The following MLLT3 variants were observed in gnomAD, a reference collection of about 807,000 sequenced individuals.
MLLT3 encodes the protein protein AF-9.
MLLT3 carries 4 observed loss-of-function variants against 53.2 expected under a neutral mutation model. The ratio of observed to expected loss-of-function variants is 0.08; its 90% confidence interval spans 0.04 to 0.17. The LOEUF (loss-of-function observed/expected upper bound fraction) is 0.17. Among genes scored for constraint, MLLT3 ranks in the 10% least tolerant of loss-of-function variants. MLLT3 has a pLI of 1.00. For missense variants in MLLT3, 569 were observed against 684.0 expected (o/e 0.83, Z 1.87); for synonymous variants, 283 against 230.6 (o/e 1.23, Z -2.06).
At chr9:20,437,538 G>A (rs1250538218) in intron 4 of MLLT3, among the ~76,000 whole-genome samples, 2 of 152,208 alleles carry the variant, frequency 1.3e-5, no homozygotes, top group Non-Finnish European at 2.9e-5. Flanking sequence ...TGTAGTGGAC[G>A]AAAGAAGCCA....
chr9:20,591,030 G>A lies in MLLT3; in HGVS notation c.193+29624C>T, dbSNP rs10124849. Among the ~76,000 whole-genome samples the A allele has an allele frequency of 2.5e-3, 386 of 152,130 alleles. 1 individual carries two copies. Among genetic ancestry groups the A allele is most frequent in the African/African-American group, 9.1e-3 (376 of 41,506 alleles). ...CTCCCAAAGTGCTGGGATTAAAGTT[G>A]TGACCCACTGTACCTAGCCTTGACA... On this transcript the variant is annotated intron_variant, in intron 2 of 10. Transcript: ENST00000380338.
intron 4 of MLLT3, among the ~76,000 whole-genome samples, chr9:20,423,529 A>C (rs1022114349): frequency 2.0e-5 from 3 of 151,990 alleles, no homozygotes; most frequent in African/African-American, 7.2e-5. Context: ...TATTCAGGAA[A>C]AGGCCAGGTA....
intron 2 of MLLT3, among the ~76,000 whole-genome samples, chr9:20,522,499 C>T (rs1467922532): frequency 6.6e-6 from 1 of 151,948 alleles, no homozygotes; most frequent in African/African-American, 2.4e-5. Flanking sequence ...ATAATTATTG[C>T]CTGTCAATTT....
At chr9:20,391,320 G>C (rs1221975438) in intron 5 of MLLT3, among the ~76,000 whole-genome samples, 1 of 152,212 alleles carries the variant, frequency 6.6e-6, no homozygotes, top group African/African-American at 2.4e-5. Flanking sequence ...GGAAAAAGAA[G>C]AGAAGGAAAT....
chr9:20,562,541 T>C (rs977885583), intron 2 of MLLT3, among the ~76,000 whole-genome samples: 2 of 152,012 alleles, frequency 1.3e-5, no homozygotes, highest in African/African-American at 4.8e-5. Flanking sequence ...CAGAGACAAT[T>C]TGGTTAAGCA....
At chr9:20,501,743 G>A (rs1825235478) in intron 2 of MLLT3, among the ~76,000 whole-genome samples, 1 of 125,134 alleles carries the variant, frequency 8.0e-6, no homozygotes, top group Non-Finnish European at 1.6e-5. Flanking sequence ...GGGCGACAGA[G>A]CGAGACTCCG....
intron 2 of MLLT3, among the ~76,000 whole-genome samples, chr9:20,507,157 G>A (rs1461615290): frequency 6.6e-6 from 1 of 152,168 alleles, no homozygotes; most frequent in Non-Finnish European, 1.5e-5. Context: ...CATCACTTTA[G>A]CAGTTAATTG....
chr9:20,609,911 T>C (rs1820657790), intron 2 of MLLT3, among the ~76,000 whole-genome samples: 1 of 152,070 alleles, frequency 6.6e-6, no homozygotes, highest in Non-Finnish European at 1.5e-5. Flanking sequence ...AACTACTACT[T>C]AGGAAGAGTC....
chr9:20,496,197 A>G (rs547819035), intron 2 of MLLT3, among the ~76,000 whole-genome samples: 20 of 152,352 alleles, frequency 1.3e-4, no homozygotes, highest in African/African-American at 4.3e-4. Context: ...ACAGAGCCCT[A>G]AAGTAAATTA....
chr9:20,360,700 T>A, intron 8 of MLLT3, 42 bp downstream of exon 8: 1 of 1,472,128 alleles, frequency 6.8e-7, no homozygotes, highest in Non-Finnish European at 9.5e-7. Flanking sequence ...TGATTACACC[T>A]AGCTCTGCAG....
intron 2 of MLLT3, among the ~76,000 whole-genome samples, chr9:20,508,529 T>C (rs891410995): frequency 4.6e-5 from 7 of 152,084 alleles, no homozygotes; most frequent in Admixed American, 4.6e-4. Flanking sequence ...AAGTAAATCT[T>C]AGAGGTAAAG....
chr9:20,416,808 T>C (rs1349289640), intron 4 of MLLT3, among the ~76,000 whole-genome samples: 1 of 152,112 alleles, frequency 6.6e-6, no homozygotes, highest in Non-Finnish European at 1.5e-5. Flanking sequence ...TCCATAACAA[T>C]GTCTTAAATA....
At chr9:20,479,888 G>C (rs1824619719) in intron 2 of MLLT3, among the ~76,000 whole-genome samples, 1 of 152,068 alleles carries the variant, frequency 6.6e-6, no homozygotes, top group African/African-American at 2.4e-5. Context: ...ACAATGCCAT[G>C]GTATATGTGA....
At chr9:20,614,506 T>C (rs1181282931) in intron 2 of MLLT3, among the ~76,000 whole-genome samples, 2 of 152,144 alleles carry the variant, frequency 1.3e-5, no homozygotes, top group African/African-American at 2.4e-5. Flanking sequence ...TGAATGAATG[T>C]TAATAGTTAA....
intron 2 of MLLT3, among the ~76,000 whole-genome samples, chr9:20,566,540 G>A (rs1040004712): frequency 6.6e-6 from 1 of 152,046 alleles, no homozygotes; most frequent in Non-Finnish European, 1.5e-5. Context: ...ACGTATACAT[G>A]CTTATCAGTT....
chr9:20,615,898 AAAAGT>A (rs1820822504), intron 2 of MLLT3, among the ~76,000 whole-genome samples: 2 of 142,696 alleles, frequency 1.4e-5, no homozygotes, highest in Admixed American at 7.1e-5. Context: ...AAAAGAAAAG[AAAAGT>A]AAACAATGCC....
At chr9:20,432,593 G>A (rs1336706097) in intron 4 of MLLT3, among the ~76,000 whole-genome samples, 2 of 151,984 alleles carry the variant, frequency 1.3e-5, no homozygotes, top group East Asian at 3.9e-4. Flanking sequence ...TACAGGGTGG[G>A]GGGAAAAAGC....
chr9:20,571,603 C>T (rs1819534602), intron 2 of MLLT3, among the ~76,000 whole-genome samples: 2 of 152,274 alleles, frequency 1.3e-5, no homozygotes, highest in East Asian at 1.9e-4. Context: ...CTCCCACCCC[C>T]AGACAGGCCC....
At chr9:20,567,807 C>A (rs1351257744) in intron 2 of MLLT3, among the ~76,000 whole-genome samples, 1 of 152,148 alleles carries the variant, frequency 6.6e-6, no homozygotes, top group South Asian at 2.1e-4. Context: ...TACACTAACA[C>A]TTGGCTTCTA....
Sources: gnomAD v4.1 joint callset for allele counts (sites outside exome capture counted in the v4.1 genomes callset) on GRCh38, gnomAD v4.1.1 for gene constraint, MANE v1.5 for transcripts, NCBI Gene and HGNC (gene_info 2026-07-23, HGNC 2026-07-21) for gene names.